ZNF474: variants seen among roughly 807,000 people sequenced by gnomAD.
ZNF474 encodes the protein zinc finger protein 474.
For synonymous variants in ZNF474, 192 were observed against 162.2 expected, an observed-to-expected ratio of 1.18 and a Z score of -1.39; for missense variants, 511 against 433.8, an observed-to-expected ratio of 1.18 and a Z score of -1.58.
At chr5:122,143,687 T>G (rs952877957) in intron 1 of ZNF474, among the ~76,000 whole-genome samples, 1 of 152,188 alleles carries the variant, frequency 6.6e-6, no homozygotes, top group Non-Finnish European at 1.5e-5. Context: ...CAAGGAAGCA[T>G]AATTCTCTTA....
chr5:122,149,106 C>G (rs1421066147), intron 1 of ZNF474, among the ~76,000 whole-genome samples: 2 of 152,108 alleles, frequency 1.3e-5, no homozygotes, highest in African/African-American at 2.4e-5. Flanking sequence ...AGCTAAACGT[C>G]AAGTACACGT....
intron 1 of ZNF474, among the ~76,000 whole-genome samples, chr5:122,142,930 A>T (rs538881107): frequency 6.6e-6 from 1 of 152,282 alleles, no homozygotes; most frequent in Admixed American, 6.5e-5. Context: ...TGCACACAGC[A>T]GAGACCCAGC....
intron 1 of ZNF474, among the ~76,000 whole-genome samples, chr5:122,146,835 G>T (rs566704338): frequency 6.6e-6 from 1 of 152,158 alleles, no homozygotes; most frequent in South Asian, 2.1e-4. Flanking sequence ...CTGCTAAAGC[G>T]CCAGTCATCA....
At chr5:122,140,809 T>C (rs1374645427) in intron 1 of ZNF474, among the ~76,000 whole-genome samples, 1 of 152,200 alleles carries the variant, frequency 6.6e-6, no homozygotes, top group African/African-American at 2.4e-5. Context: ...AAATGAAATC[T>C]ACTTCTTTCT....
Position 122,152,512 on chromosome 5 carries a change from A to T in ZNF474, c.522A>T (p.Thr174=), listed in dbSNP as rs115260627. ...QLLPCESCGR[T]FLPDHLLVHH... ...TGCCCTGTGAATCCTGTGGCCGCAC[A>T]TTCTTGCCAGATCATCTTCTTGTTC... is the stretch of plus-strand genomic sequence containing the variant. The change falls in exon 2 of 2, where the codon ACA becomes ACT. Residue 174 remains threonine (T), a synonymous_variant. Transcript: ENST00000296600. 1 of 1,614,192 alleles carries T rather than the reference A, an allele frequency of 6.2e-7. No homozygotes were observed. Among genetic ancestry groups the T allele is most frequent in the Admixed American group, 1.7e-5 (1 of 60,016 alleles).
chr5:122,149,936 A>T, intron 1 of ZNF474, among the ~76,000 whole-genome samples: 1 of 149,992 alleles, frequency 6.7e-6, no homozygotes, highest in African/African-American at 2.5e-5. Flanking sequence ...AGAGAGAGAG[A>T]GAGAGGGAGG....
At chr5:122,136,708 C>G (rs551564205) in intron 1 of ZNF474, among the ~76,000 whole-genome samples, 3 of 152,020 alleles carry the variant, frequency 2.0e-5, no homozygotes, top group African/African-American at 7.2e-5. Context: ...TAAAAATGAA[C>G]AAGAATTAAA....
chr5:122,149,879 T>C (rs1756117532), intron 1 of ZNF474, among the ~76,000 whole-genome samples: 1 of 146,174 alleles, frequency 6.8e-6, no homozygotes, highest in Admixed American at 6.8e-5. Context: ...GGAAACAGAA[T>C]TGACTCTGTG....
intron 1 of ZNF474, among the ~76,000 whole-genome samples, chr5:122,141,862 GC>G (rs1755856466): frequency 6.6e-6 from 1 of 152,126 alleles, no homozygotes; most frequent in East Asian, 1.9e-4. Flanking sequence ...GCTAATTGAG[GC>G]CCTTTCACAC....
chr5:122,131,103 G>A (rs1197678552), intron 1 of ZNF474, among the ~76,000 whole-genome samples: 2 of 152,040 alleles, frequency 1.3e-5, no homozygotes, highest in Non-Finnish European at 1.5e-5. Context: ...AAATCACAAG[G>A]AGATATTACC....
chr5:122,143,557 T>G (rs1211087467), intron 1 of ZNF474, among the ~76,000 whole-genome samples: 1 of 152,194 alleles, frequency 6.6e-6, no homozygotes, highest in Non-Finnish European at 1.5e-5. Context: ...TCATTCTAGG[T>G]CGAGAAGGGG....
In ZNF474 at chr5:122,131,188, C is replaced by A. The variant is rs956170858; in HGVS notation, c.-213+1505C>A. Reference sequence around the variant, plus strand: ...GTGAGAATGTGGAGAAATGGGAACCCTTATACACTGTTTGTGGGATTGTAA... The same window carrying A: ...GTGAGAATGTGGAGAAATGGGAACCATTATACACTGTTTGTGGGATTGTAA... On this transcript the variant is annotated intron_variant, in intron 1 of 1. Transcript: ENST00000296600. 2.0e-5 allele frequency among the ~76,000 whole-genome samples: 3 copies of A among 152,198 alleles called. 1 individual carries two copies.
At chr5:122,141,961 C>G (rs1363270782) in intron 1 of ZNF474, among the ~76,000 whole-genome samples, 2 of 152,186 alleles carry the variant, frequency 1.3e-5, no homozygotes, top group African/African-American at 4.8e-5. Flanking sequence ...GACTGGGCCC[C>G]TCACTTCTAA....
chr5:122,153,135 T>C lies in ZNF474; in HGVS notation c.*50T>C, dbSNP rs781693493. 9.0e-6 allele frequency: 14 copies of C among 1,547,330 alleles called. No homozygotes were observed. The highest frequency in any genetic ancestry group is 1.2e-5 in the Non-Finnish European group (14 of 1,150,740). ...GAATCAGCCACCTCAGCCCCTAGTA[T>C]TTTTTCTATCAATGCCTTGTATCAG... On this transcript the variant is annotated 3_prime_UTR_variant, in exon 2 of 2. Coordinates refer to ENST00000296600, the MANE Select transcript of ZNF474 (RefSeq NM_207317.3).
At chr5:122,130,107 T>G (rs1580592768) in intron 1 of ZNF474, among the ~76,000 whole-genome samples, 1 of 152,156 alleles carries the variant, frequency 6.6e-6, no homozygotes, top group Admixed American at 6.6e-5. Flanking sequence ...ATTAGCCAGA[T>G]TATCCATGAA....
intron 1 of ZNF474, among the ~76,000 whole-genome samples, chr5:122,147,115 C>A (rs1257433009): frequency 1.3e-5 from 2 of 152,084 alleles, no homozygotes; most frequent in Non-Finnish European, 2.9e-5. Flanking sequence ...CCATCAGTTC[C>A]TTTTTGAAAG....
At position 122,153,486 on chromosome 5, in the gene ZNF474, A is replaced by G. The variant is rs917956674; in HGVS notation, c.*401A>G. On this transcript the variant is annotated 3_prime_UTR_variant, in exon 2 of 2. Coordinates refer to ENST00000296600, the MANE Select transcript of ZNF474 (RefSeq NM_207317.3). ...TTTTTGGCAATGCTGGGTTATGCTG[A>G]GTTTATCTTACTAAAATAGAATCTG... 23 of 186,098 alleles carry G rather than the reference A, an allele frequency of 1.2e-4. No homozygotes were observed. Among genetic ancestry groups the G allele is most frequent in the Non-Finnish European group, 2.4e-4 (19 of 80,790 alleles). 11.5% of individuals were successfully genotyped at this position (186,098 alleles called of 1,614,324 possible). A position where few individuals can be genotyped will look rare whatever the true frequency, so the allele number is the denominator to read the frequency against.
At chr5:122,131,761 T>C (rs2152602663) in intron 1 of ZNF474, among the ~76,000 whole-genome samples, 1 of 152,122 alleles carries the variant, frequency 6.6e-6, no homozygotes, top group African/African-American at 2.4e-5. Flanking sequence ...ACTAATGGAG[T>C]ACTTTTCATG....
At chr5:122,135,117 T>A (rs368937292) in intron 1 of ZNF474, among the ~76,000 whole-genome samples, 31 of 152,078 alleles carry the variant, frequency 2.0e-4, no homozygotes, top group Non-Finnish European at 2.4e-4. Flanking sequence ...GGATTAATTA[T>A]CAGATAATAT....
Sources: allele counts gnomAD v4.1 joint callset (sites outside exome capture counted in the v4.1 genomes callset), GRCh38; gene constraint gnomAD v4.1.1; transcripts MANE v1.5; gene names NCBI Gene and HGNC (gene_info 2026-07-23, HGNC 2026-07-21).